Variants in NDST3 observed in about 807,000 individuals in gnomAD.
The protein encoded by NDST3 is N-deacetylase and N-sulfotransferase 3, also known as bifunctional heparan sulfate N-deacetylase/N-sulfotransferase 3.
Under a neutral mutation model 96.1 loss-of-function variants are expected in NDST3, and 58 were observed. The observed-to-expected ratio is 0.60, with a 90% confidence interval of 0.49 to 0.75. The LOEUF (loss-of-function observed/expected upper bound fraction) is 0.75, where lower values mean the gene tolerates loss of function less well. Among genes scored for constraint, NDST3 ranks in the 30% least tolerant of loss-of-function variants. The pLI is 0.00. For missense variants in NDST3, 788 were observed against 1,034.2 expected (o/e 0.76, Z 3.27); for synonymous variants, 333 against 359.7 (o/e 0.93, Z 0.84).
intron 6 of NDST3, among the ~76,000 whole-genome samples, chr4:118,164,047 T>C (rs937063558): frequency 2.6e-5 from 4 of 152,132 alleles, no homozygotes; most frequent in Non-Finnish European, 5.9e-5. Context: ...CACATGCATA[T>C]GTTTGTTGCA....
At chr4:118,054,987 T>C (rs775895459) in intron 2 of NDST3, 96 bp downstream of exon 2, 3 of 1,471,050 alleles carry the variant, frequency 2.0e-6, no homozygotes, top group Non-Finnish European at 2.8e-6. Flanking sequence ...ACCCAGGACA[T>C]GGGATTTACT....
At position 118,069,620 on chromosome 4, in the gene NDST3, A is replaced by G. The variant is rs185002362; in HGVS notation, c.981+14729A>G. 3.9e-5 allele frequency among the ~76,000 whole-genome samples: 6 copies of G among 152,216 alleles called. No homozygotes were observed. In the East Asian group the frequency reaches 9.7e-4, roughly 24 times the overall value. ...AAGCAATTCTCTCCTCAGTCTCTCT[A>G]CACGCTGGATTTAGTCAATCTTTAA... is the stretch of plus-strand genomic sequence containing the variant. On this transcript the variant is annotated intron_variant, in intron 2 of 13. Transcript: ENST00000296499.
At chr4:118,055,180 G>C in intron 2 of NDST3, 1 of 370,738 alleles carries the variant, frequency 2.7e-6, no homozygotes, top group Non-Finnish European at 5.0e-6. Flanking sequence ...TTACTTTCCA[G>C]AAACTATCTA....
intron 6 of NDST3, among the ~76,000 whole-genome samples, chr4:118,171,083 A>G (rs1182606598): frequency 4.6e-5 from 7 of 152,146 alleles, no homozygotes. Flanking sequence ...GTTGTTTACA[A>G]TTTCCTACTT....
intron 6 of NDST3, among the ~76,000 whole-genome samples, chr4:118,175,302 T>A (rs1419550158): frequency 6.6e-6 from 1 of 152,108 alleles, no homozygotes; most frequent in Non-Finnish European, 1.5e-5. Flanking sequence ...TCTTTTCTCT[T>A]TCCCACCTTT....
chr4:118,230,600 C>A (rs1740218343), intron 8 of NDST3, among the ~76,000 whole-genome samples: 1 of 151,616 alleles, frequency 6.6e-6, no homozygotes, highest in African/African-American at 2.4e-5. Context: ...AAGTGAAATT[C>A]TTGGGTTATA....
At chr4:118,201,875 A>G (rs1738113051) in intron 6 of NDST3, among the ~76,000 whole-genome samples, 1 of 152,160 alleles carries the variant, frequency 6.6e-6, no homozygotes, top group Non-Finnish European at 1.5e-5. Context: ...TGACTTTGAG[A>G]TAAGTATTTC....
At chr4:118,073,012 A>G (rs915117086) in intron 2 of NDST3, among the ~76,000 whole-genome samples, 4 of 152,112 alleles carry the variant, frequency 2.6e-5, no homozygotes, top group African/African-American at 9.7e-5. Flanking sequence ...AATTCTGTTT[A>G]TGTGATAAAA....
At chr4:118,204,053 T>A (rs537061841) in intron 6 of NDST3, among the ~76,000 whole-genome samples, 1 of 152,130 alleles carries the variant, frequency 6.6e-6, no homozygotes, top group Non-Finnish European at 1.5e-5. Flanking sequence ...CCCAATTCAG[T>A]TTTTTTGTGA....
intron 6 of NDST3, among the ~76,000 whole-genome samples, chr4:118,147,449 C>T (rs772945024): frequency 6.6e-6 from 1 of 152,162 alleles, no homozygotes; most frequent in Non-Finnish European, 1.5e-5. Flanking sequence ...TACAATTATA[C>T]AGAGTACTCA....
chr4:118,121,540 G>A (rs1445154046), intron 4 of NDST3, among the ~76,000 whole-genome samples: 1 of 152,046 alleles, frequency 6.6e-6, no homozygotes, highest in Non-Finnish European at 1.5e-5. Context: ...TAGACATACT[G>A]GATTACTAAT....
intron 6 of NDST3, among the ~76,000 whole-genome samples, chr4:118,173,161 T>TAC (rs1736067232): frequency 6.6e-6 from 1 of 151,862 alleles, no homozygotes. Context: ...TGTGTATATA[T>TAC]ATATATGATA....
chr4:118,105,146 G>C, intron 3 of NDST3, 41 bp downstream of exon 3: 1 of 1,469,538 alleles, frequency 6.8e-7, no homozygotes, highest in Non-Finnish European at 9.5e-7. Context: ...AGGCTTCTCT[G>C]ATCACTCTAT....
At chr4:118,229,317 T>G (rs114369513) in intron 8 of NDST3, among the ~76,000 whole-genome samples, 2 of 152,174 alleles carry the variant, frequency 1.3e-5, no homozygotes, top group East Asian at 3.8e-4. Context: ...AAAAAGTATT[T>G]TTCTGGATAA....
chr4:118,228,648 T>C (rs936310600), intron 8 of NDST3, among the ~76,000 whole-genome samples: 3 of 152,220 alleles, frequency 2.0e-5, no homozygotes, highest in Admixed American at 6.5e-5. Context: ...TAGCTGAATT[T>C]TGAACATTGC....
At chr4:118,121,845 C>G (rs1177344716) in intron 4 of NDST3, among the ~76,000 whole-genome samples, 1 of 152,178 alleles carries the variant, frequency 6.6e-6, no homozygotes, top group African/African-American at 2.4e-5. Context: ...CCCATATCTA[C>G]AGTACTGCAA....
At chr4:118,224,051 T>C (rs1739714404) in intron 6 of NDST3, among the ~76,000 whole-genome samples, 1 of 152,170 alleles carries the variant, frequency 6.6e-6, no homozygotes, top group Non-Finnish European at 1.5e-5. Context: ...GGATTCAATC[T>C]AGGTCAGGTG....
intron 3 of NDST3, 23 bp from the exon 4 acceptor site, chr4:118,114,783 G>A: frequency 6.6e-7 from 1 of 1,523,262 alleles, no homozygotes; most frequent in Non-Finnish European, 8.8e-7. Context: ...GGAATTAATT[G>A]GATAATATTT....
chr4:118,106,857 G>A (rs574103477), intron 3 of NDST3, among the ~76,000 whole-genome samples: 12 of 152,214 alleles, frequency 7.9e-5, no homozygotes, highest in Middle Eastern at 3.4e-3. Context: ...TTGGGAGGCC[G>A]AGGCGGGTGG....
Sources: gnomAD v4.1 joint callset for allele counts (sites outside exome capture counted in the v4.1 genomes callset) on GRCh38, gnomAD v4.1.1 for gene constraint, MANE v1.5 for transcripts, NCBI Gene and HGNC (gene_info 2026-07-23, HGNC 2026-07-21) for gene names.